The following HARBI1 variants were observed in gnomAD, a reference collection of about 807,000 sequenced individuals.
HARBI1 encodes the protein harbinger transposase derived 1.
Under a neutral mutation model 25.3 loss-of-function variants are expected in HARBI1, and 15 were observed. The ratio of observed to expected loss-of-function variants is 0.59; its 90% CI spans 0.40 to 0.91. The LOEUF (loss-of-function observed/expected upper bound fraction) is 0.91, where lower values mean the gene tolerates loss of function less well. Among genes scored for constraint, HARBI1 ranks in the 40% least tolerant of loss-of-function variants. The probability of loss-of-function intolerance (pLI) is 0.00; values close to 1 mark genes in which losing one functional copy is unlikely to be tolerated. For synonymous variants in HARBI1, 168 were observed against 160.5 expected (o/e 1.05, Z -0.35); for missense variants, 396 against 445.8 (o/e 0.89, Z 1.01).
intron 2 of HARBI1, among the ~76,000 whole-genome samples, chr11:46,607,376 T>C (rs2044997271): frequency 1.3e-5 from 2 of 152,186 alleles, no homozygotes; most frequent in Non-Finnish European, 1.5e-5. Flanking sequence ...CATCCTTTGA[T>C]ATGTTAGGCA....
chr11:46,610,536 T>C (rs1330456080), intron 2 of HARBI1, among the ~76,000 whole-genome samples: 1 of 151,794 alleles, frequency 6.6e-6, no homozygotes, highest in East Asian at 1.9e-4. Context: ...GGCGGGCGCC[T>C]ATAGTCCCAG....
intron 2 of HARBI1, among the ~76,000 whole-genome samples, chr11:46,610,233 T>C (rs1437431541): frequency 1.3e-5 from 2 of 151,912 alleles, no homozygotes; most frequent in African/African-American, 4.8e-5. Context: ...TGTGGGAGGA[T>C]CAATTGAGCC....
chr11:46,610,941 C>T (rs2135394530), intron 2 of HARBI1, among the ~76,000 whole-genome samples: 1 of 150,696 alleles, frequency 6.6e-6, no homozygotes, highest in Middle Eastern at 3.5e-3. Flanking sequence ...ACACAAGCGA[C>T]TTAAATGTTA....
chr11:46,606,351 C>T (rs1446048849), intron 2 of HARBI1, among the ~76,000 whole-genome samples: 2 of 148,446 alleles, frequency 1.3e-5, no homozygotes, highest in East Asian at 2.0e-4. Context: ...CTCACTCTGT[C>T]GCCCAGGCTG....
chr11:46,609,345 C>T (rs1403215647), intron 2 of HARBI1, among the ~76,000 whole-genome samples: 3 of 151,660 alleles, frequency 2.0e-5, no homozygotes, highest in African/African-American at 7.3e-5. Flanking sequence ...CAGGCGTGAG[C>T]CACTTTTCTT....
At chr11:46,609,108 G>A (rs751544199) in intron 2 of HARBI1, among the ~76,000 whole-genome samples, 9 of 151,786 alleles carry the variant, frequency 5.9e-5, no homozygotes, top group Non-Finnish European at 1.0e-4. Context: ...ATTTTTAGAA[G>A]AGATGGGATT....
At position 46,616,392 on chromosome 11, in the gene HARBI1, TAAAAGAAAA is replaced by T; in HGVS notation, c.-144-20_-144-12del. ...TTTATAATCTTCTCTCTGTAAATGT[TAAAAGAAAA>T]AACATTAGGAACCTACCAAAGACTT... On this transcript the variant is annotated splice_polypyrimidine_tract_variant and intron_variant, in intron 1 of 2. Coordinates refer to ENST00000326737, the MANE Select transcript of HARBI1 (RefSeq NM_173811.4). 1 of 1,427,172 alleles carries T rather than the reference TAAAAGAAAA, an allele frequency of 7.0e-7. No individual in the cohort carries two copies. The highest frequency in any genetic ancestry group is 9.1e-7 in the Non-Finnish European group (1 of 1,097,454). 88.4% of individuals were successfully genotyped at this position (1,427,172 alleles called of 1,614,324 possible). A position where few individuals can be genotyped will look rare whatever the true frequency, so the allele number is the denominator to read the frequency against.
intron 2 of HARBI1, among the ~76,000 whole-genome samples, chr11:46,613,302 C>T (rs904773649): frequency 6.6e-6 from 1 of 151,992 alleles, no homozygotes; most frequent in Non-Finnish European, 1.5e-5. Context: ...AATATCTATA[C>T]AATACTTCAT....
intron 1 of HARBI1, chr11:46,616,831 CAAA>C (rs749013239): frequency 0.011 from 6,642 of 603,714 alleles, no homozygotes; most frequent in African/African-American, 0.026. Flanking sequence ...AAAGAAGGGG[CAAA>C]AAAAAAAAAA....
At position 46,603,010 on chromosome 11, in the gene HARBI1, ATTT is replaced by A. The variant is rs2044820228; in HGVS notation, c.*517_*519del. 6.6e-6 allele frequency: 1 copy of A among 152,134 alleles called. No individual in the cohort carries two copies. Among genetic ancestry groups the A allele is most frequent in the Non-Finnish European group, 1.5e-5 (1 of 68,256 alleles). The allele number at this position is 152,134 out of a possible 1,614,324, so 9.4% of individuals were successfully genotyped here. On this transcript the variant is annotated 3_prime_UTR_variant, in exon 3 of 3. Coordinates refer to ENST00000326737, the MANE Select transcript of HARBI1 (RefSeq NM_173811.4). ...AGGCACCTGTCACCACGCCCAGCTA[ATTT>A]TTTTGTATTTTTAGTAGAGACAGGG...
Position 46,605,737 on chromosome 11 carries a change from G to C in HARBI1, c.671-1828C>G, listed in dbSNP as rs185978272. On this transcript the variant is annotated intron_variant, in intron 2 of 2. Transcript: ENST00000326737. The stretch of plus-strand genomic sequence containing the variant: ...TGAGTAGCTGGGACTACAGGCACAC[G>C]CCACCACGCCCGGCTAATTTTTTGT... Among the ~76,000 whole-genome samples, 3 of 151,234 alleles carry C rather than the reference G, an allele frequency of 2.0e-5. No homozygotes were observed. The East Asian group carries it at 5.8e-4, about 29-fold the overall frequency.
rs1466160642 is a variant in HARBI1, at chr11:46,615,644, C to G, written c.594G>C (p.Gln198His). 5.6e-6 allele frequency: 9 copies of G among 1,614,222 alleles called. No individual in the cohort carries two copies. Among genetic ancestry groups the G allele is most frequent in the Admixed American group, 1.7e-5 (1 of 60,016 alleles). The stretch of plus-strand genomic sequence containing the variant: ...AAGACTGCTGCAGCACAGCACAGTC[C>G]TGTAGGCTGCCGGGCCAGTTTGTCT... Reference protein sequence around the residue: ...TVETNWPGSLQDCAVLQQSSL... With the variant: ...TVETNWPGSLHDCAVLQQSSL... The change falls in exon 2 of 3, where the codon CAG becomes CAC. Residue 198 changes from glutamine (Q) to histidine (H), a missense_variant. By Grantham distance (24) the Gln-to-His change is conservative. Transcript: ENST00000326737.
chr11:46,612,669 A>ATTT (rs1278987927), intron 2 of HARBI1, among the ~76,000 whole-genome samples: 1 of 139,950 alleles, frequency 7.1e-6, no homozygotes, highest in Non-Finnish European at 1.6e-5. Flanking sequence ...TGCAAAAATA[A>ATTT]TTTTTTTTTT....
intron 2 of HARBI1, among the ~76,000 whole-genome samples, chr11:46,608,651 T>C (rs1227803927): frequency 6.6e-6 from 1 of 151,082 alleles, no homozygotes; most frequent in Non-Finnish European, 1.5e-5. Flanking sequence ...AGATACAGTC[T>C]CCAGCCCAGT....
intron 2 of HARBI1, among the ~76,000 whole-genome samples, chr11:46,606,502 G>A (rs1252985976): frequency 6.6e-6 from 1 of 150,736 alleles, no homozygotes; most frequent in Non-Finnish European, 1.5e-5. Flanking sequence ...TAGTAGAGAT[G>A]GGGATTTCAC....
rs760364372 is a variant in HARBI1, at chr11:46,603,749, G to A, written c.831C>T (p.Ser277=). ...LCSRFRCLDG[S]KGALQYSPEK... ...CTGGTGAGTACTGCAGTGCCCCCTT[G>A]GATCCATCCAGGCAGCGGAATCGGG... Residue 277 remains serine, a synonymous_variant, in exon 3 of 3, where the codon TCC becomes TCT. Coordinates refer to ENST00000326737, the MANE Select transcript of HARBI1 (RefSeq NM_173811.4). 2.3e-5 allele frequency: 37 copies of A among 1,614,176 alleles called. No homozygotes were observed. Among genetic ancestry groups the A allele is most frequent in the Non-Finnish European group, 2.9e-5 (34 of 1,180,028 alleles).
In HARBI1 at chr11:46,603,756, T is replaced by C. The variant is rs763820437; in HGVS notation, c.824A>G (p.Asp275Gly). The C allele has an allele frequency of 9.9e-6, 16 of 1,613,972 alleles. No homozygotes were observed. The South Asian group carries it at 1.4e-4, about 14-fold the overall frequency. The change falls in exon 3 of 3, where the codon GAT becomes GGT. Residue 275 changes from aspartate (D) to glycine (G), a missense_variant. Asp to Gly is a moderately conservative substitution (Grantham distance 94). Transcript: ENST00000326737. ...GTACTGCAGTGCCCCCTTGGATCCATCCAGGCAGCGGAATCGGGAGCAGAG... is the reference window on the plus strand; with the variant it reads ...GTACTGCAGTGCCCCCTTGGATCCACCCAGGCAGCGGAATCGGGAGCAGAG... ...RTLCSRFRCL[D>G]GSKGALQYSP... is the part of the protein sequence containing the mutation.
At chr11:46,617,547 C>A (rs200022679), upstream of HARBI1, 65 of 243,978 alleles carry the variant, frequency 2.7e-4, 1 homozygote, top group Admixed American at 5.6e-4. Flanking sequence ...TTCACCCCCC[C>A]CCCCCGGCCA....
intron 2 of HARBI1, among the ~76,000 whole-genome samples, 187 bp downstream of exon 2, chr11:46,615,381 C>T (rs144734294): frequency 1.8e-3 from 281 of 151,908 alleles, no homozygotes; most frequent in African/African-American, 6.5e-3. Context: ...GCCACCATGC[C>T]CAATTTTTGT....
Sources: allele counts gnomAD v4.1 joint callset (sites outside exome capture counted in the v4.1 genomes callset), GRCh38; gene constraint gnomAD v4.1.1; transcripts MANE v1.5; gene names NCBI Gene and HGNC (gene_info 2026-07-23, HGNC 2026-07-21).